The following TRDMT1 variants were observed in gnomAD, a reference collection of about 807,000 sequenced individuals.
TRDMT1 encodes tRNA aspartic acid methyltransferase 1.
In TRDMT1, 49 loss-of-function variants were observed where a neutral mutation model predicts 51.2. The observed-to-expected ratio is 0.96, with a 90% confidence interval of 0.76 to 1.21. The LOEUF is 1.21. TRDMT1 is among the 50% of genes most tolerant of loss of function. The probability of loss-of-function intolerance (pLI) is 0.00; values close to 1 mark genes in which losing one functional copy is unlikely to be tolerated. For missense variants in TRDMT1, 534 were observed against 462.3 expected (o/e 1.16, Z -1.42); for synonymous variants, 187 against 164.6 (o/e 1.14, Z -1.04).
In TRDMT1 at chr10:17,143,819, C is replaced by A; in HGVS notation, c.*5221G>T. 1 of 985,402 alleles carries A rather than the reference C, an allele frequency of 1.0e-6. No individual in the cohort carries two copies. The highest frequency in any genetic ancestry group is 1.2e-6 in the Non-Finnish European group (1 of 829,952). 61.0% of individuals were successfully genotyped at this position (985,402 alleles called of 1,614,324 possible). A position where few individuals can be genotyped will look rare whatever the true frequency, so the allele number is the denominator to read the frequency against. ...ATGATCTTTGGTTATGAAGCTTGAA[C>A]TTGGAAGATGTGGAGACTAACCGTA... On this transcript the variant is annotated 3_prime_UTR_variant, in exon 11 of 11. Transcript: ENST00000377799.
chr10:17,168,774 T>C (rs1841563888), intron 3 of TRDMT1, 67 bp downstream of exon 3: 2 of 1,157,228 alleles, frequency 1.7e-6, no homozygotes, highest in South Asian at 2.8e-5. Flanking sequence ...TTGCCCAGTC[T>C]CAGGTATGTC....
At chr10:17,156,703 T>C (rs1301931731) in intron 8 of TRDMT1, among the ~76,000 whole-genome samples, 1 of 152,164 alleles carries the variant, frequency 6.6e-6, no homozygotes. Context: ...AAACAGAAAG[T>C]CCTTTAAGTA....
At position 17,146,966 on chromosome 10, in the gene TRDMT1, C is replaced by T; in HGVS notation, c.*2074G>A. ...AAGAATCACCGTCTTCCTGTGAATACATTCCCATAATTTAAGAATTCCACT... is the reference window on the plus strand; with the variant it reads ...AAGAATCACCGTCTTCCTGTGAATATATTCCCATAATTTAAGAATTCCACT... On this transcript the variant is annotated 3_prime_UTR_variant, in exon 11 of 11. Transcript: ENST00000377799. 1 of 985,454 alleles carries T rather than the reference C, an allele frequency of 1.0e-6. No homozygotes were observed. Among genetic ancestry groups the T allele is most frequent in the Non-Finnish European group, 1.2e-6 (1 of 829,930 alleles). 61.0% of individuals were successfully genotyped at this position (985,454 alleles called of 1,614,324 possible).
At chr10:17,162,558 T>G (rs1232895998) in intron 3 of TRDMT1, among the ~76,000 whole-genome samples, 1 of 151,960 alleles carries the variant, frequency 6.6e-6, no homozygotes, top group Non-Finnish European at 1.5e-5. Context: ...AATACAAAAA[T>G]TAGGCCGAGC....
At chr10:17,154,341 G>A (rs563689848) in intron 9 of TRDMT1, among the ~76,000 whole-genome samples, 1 of 151,976 alleles carries the variant, frequency 6.6e-6, no homozygotes. Flanking sequence ...CTGCAAAGGA[G>A]GGCTCCAATA....
chr10:17,145,825 T>C lies in TRDMT1; in HGVS notation c.*3215A>G. On this transcript the variant is annotated 3_prime_UTR_variant, in exon 11 of 11. Transcript: ENST00000377799. ...CCTGCAGAATGCATCCTTTAGTAGG[T>C]GCTTGATATTAGATGAAATGTGGTT... 1 of 985,468 alleles carries C rather than the reference T, an allele frequency of 1.0e-6. No homozygotes were observed. The highest frequency in any genetic ancestry group is 1.2e-6 in the Non-Finnish European group (1 of 829,936). The allele number at this position is 985,468 out of a possible 1,614,324, so 61.0% of individuals were successfully genotyped here.
At chr10:17,152,292 A>G (rs1490639772) in intron 10 of TRDMT1, among the ~76,000 whole-genome samples, 1 of 152,202 alleles carries the variant, frequency 6.6e-6, no homozygotes, top group Non-Finnish European at 1.5e-5. Flanking sequence ...TCACCAAGAA[A>G]GAGGCAGGGA....
rs151176125 is a variant in TRDMT1 at position 17,153,561 on chromosome 10, G to A, written c.1021C>T (p.Arg341Ter). ...GCTATTTCTTTAGGAGTGAAATATC[G>A]CAGTTTAAGTATTAACAGCTTTGTT... Reference protein sequence around the residue: ...QITKLLILKLRYFTPKEIANL... With the variant: ...QITKLLILKL Residue 341 changes from arginine to a stop codon, truncating the protein, a stop_gained, in exon 10 of 11, where the codon CGA becomes TGA. Transcript: ENST00000377799. LOFTEE classifies it high-confidence loss of function. The A allele has an allele frequency of 1.2e-5, 19 of 1,613,438 alleles. No individual in the cohort carries two copies. Among genetic ancestry groups the A allele is most frequent in the Admixed American group, 5.0e-5 (3 of 59,916 alleles).
intron 1 of TRDMT1, chr10:17,201,253 C>T: frequency 3.4e-6 from 1 of 295,610 alleles, no homozygotes; most frequent in Non-Finnish European, 6.4e-6. Context: ...GGGCTTGGCA[C>T]CAGGCGAGGG....
At chr10:17,184,941 T>C (rs1054833716) in intron 1 of TRDMT1, among the ~76,000 whole-genome samples, 3 of 152,208 alleles carry the variant, frequency 2.0e-5, no homozygotes, top group African/African-American at 7.2e-5. Context: ...TGTGTATTTC[T>C]TTCTCTCTTT....
chr10:17,199,446 G>A (rs1027833121), intron 1 of TRDMT1, among the ~76,000 whole-genome samples: 1 of 152,200 alleles, frequency 6.6e-6, no homozygotes, highest in African/African-American at 2.4e-5. Context: ...CCAGAACATC[G>A]AAGAACTTCG....
chr10:17,178,861 T>G (rs1284809663), intron 1 of TRDMT1, among the ~76,000 whole-genome samples: 1 of 152,150 alleles, frequency 6.6e-6, no homozygotes, highest in Non-Finnish European at 1.5e-5. Context: ...ATTATTATTG[T>G]TACTAACACC....
At position 17,159,112 on chromosome 10, in the gene TRDMT1, C is replaced by T. The variant is rs766017125; in HGVS notation, c.543+34G>A. 31 of 1,329,832 alleles carry T rather than the reference C, an allele frequency of 2.3e-5. No homozygotes were observed. In the Admixed American group the frequency reaches 2.7e-4, roughly 12 times the overall value. 82.4% of individuals were successfully genotyped at this position (1,329,832 alleles called of 1,614,324 possible). ...TAATATATATTTATAATAAATAAGC[C>T]ATAATATTCATAATAAAATTCCAAT... On this transcript the variant is annotated intron_variant, in intron 7 of 10. Coordinates refer to ENST00000377799, the MANE Select transcript of TRDMT1 (RefSeq NM_004412.7).
At chr10:17,181,904 A>G (rs1181019583) in intron 1 of TRDMT1, among the ~76,000 whole-genome samples, 2 of 152,018 alleles carry the variant, frequency 1.3e-5, no homozygotes, top group African/African-American at 4.8e-5. Flanking sequence ...ATAGTCCCAG[A>G]TTTTCTTTGG....
At chr10:17,169,874 A>G (rs571068834) in intron 2 of TRDMT1, among the ~76,000 whole-genome samples, 1 of 152,346 alleles carries the variant, frequency 6.6e-6, no homozygotes, top group East Asian at 1.9e-4. Flanking sequence ...CAGATATTGA[A>G]AATTTCCTAA....
At chr10:17,174,363 T>C (rs1230895143) in intron 2 of TRDMT1, among the ~76,000 whole-genome samples, 188 bp downstream of exon 2, 2 of 152,244 alleles carry the variant, frequency 1.3e-5, no homozygotes, top group Admixed American at 6.5e-5. Context: ...TCCCTGTCTA[T>C]AGCTGGACTT....
chr10:17,148,958 A>T lies in TRDMT1; in HGVS notation c.*82T>A. 7.0e-7 allele frequency: 1 copy of T among 1,431,800 alleles called. No homozygotes were observed. The highest frequency in any genetic ancestry group is 9.2e-7 in the Non-Finnish European group (1 of 1,085,256). The allele number at this position is 1,431,800 out of a possible 1,614,324, so 88.7% of individuals were successfully genotyped here. On this transcript the variant is annotated 3_prime_UTR_variant, in exon 11 of 11. Transcript: ENST00000377799. ...AAATAATTTAGTTAAATTTCACCAGAATTAGTTCAAAACAGAATTTCAGAA... is the reference window on the plus strand; with the variant it reads ...AAATAATTTAGTTAAATTTCACCAGTATTAGTTCAAAACAGAATTTCAGAA...
intron 1 of TRDMT1, among the ~76,000 whole-genome samples, chr10:17,180,486 G>A (rs377484236): frequency 7.4e-5 from 11 of 147,948 alleles, no homozygotes; most frequent in African/African-American, 2.8e-4. Flanking sequence ...GTTGCAGTGA[G>A]CCGAGATTGC....
rs1837625426 is a variant in TRDMT1, at chr10:17,140,908, A to G, written c.*8132T>C. 6.6e-6 allele frequency among the ~76,000 whole-genome samples: 1 copy of G among 152,204 alleles called. No individual in the cohort carries two copies. The highest frequency in any genetic ancestry group is 2.1e-4 in the South Asian group (1 of 4,830). ...CCTTTCATCTTTGATTATTTCACAT[A>G]TCAGATAAGCCTAATTCCATGTTAA... On this transcript the variant is annotated 3_prime_UTR_variant, in exon 11 of 11. Coordinates refer to ENST00000377799, the MANE Select transcript of TRDMT1 (RefSeq NM_004412.7).
Sources: gnomAD v4.1 joint callset for allele counts (sites outside exome capture counted in the v4.1 genomes callset) on GRCh38, gnomAD v4.1.1 for gene constraint, MANE v1.5 for transcripts, NCBI Gene and HGNC (gene_info 2026-07-23, HGNC 2026-07-21) for gene names.